LRP1B: variants seen among roughly 807,000 people sequenced by gnomAD.
LRP1B encodes the protein low-density lipoprotein receptor-related protein 1B.
A neutral mutation model predicts 556.6 loss-of-function variants in LRP1B; 217 were observed. That is an observed-to-expected ratio of 0.39 (90% CI 0.35 to 0.44). The LOEUF (loss-of-function observed/expected upper bound fraction) is 0.44, where lower values mean the gene tolerates loss of function less well. Among genes scored for constraint, LRP1B ranks in the 20% least tolerant of loss-of-function variants. The probability of loss-of-function intolerance (pLI) is 1.00; values close to 1 mark genes in which losing one functional copy is unlikely to be tolerated. For missense variants in LRP1B, 5,053 were observed against 5,620.8 expected (o/e 0.90, Z 3.23); for synonymous variants, 2,047 against 1,865.8 (o/e 1.10, Z -2.50).
intron 17 of LRP1B, among the ~76,000 whole-genome samples, chr2:140,986,483 C>A (rs1696930332): frequency 2.6e-5 from 4 of 152,124 alleles, no homozygotes; most frequent in Admixed American, 2.6e-4. Flanking sequence ...TATGACAATT[C>A]CTTCTTCCCA....
At chr2:142,115,491 T>TGTTACA (rs1390915560) in intron 1 of LRP1B, among the ~76,000 whole-genome samples, 1 of 84,768 alleles carries the variant, frequency 1.2e-5, no homozygotes, top group Non-Finnish European at 2.3e-5. Flanking sequence ...TAATATATAA[T>TGTTACA]TATATATAAT....
chr2:140,329,887 A>AC lies in LRP1B; in HGVS notation c.12224-4010_12224-4009insG, dbSNP rs967347136. 2.0e-4 allele frequency among the ~76,000 whole-genome samples: 29 copies of AC among 148,668 alleles called. No individual in the cohort carries two copies. The South Asian group carries it at 2.1e-3, about 11-fold the overall frequency. The stretch of plus-strand genomic sequence containing the variant: ...TTGACATCCTTCACCAAATTAGAAA[A>AC]AAAAACAAAAACAAAAAAACTACTT... On this transcript the variant is annotated intron_variant, in intron 79 of 90. Transcript: ENST00000389484.
intron 7 of LRP1B, among the ~76,000 whole-genome samples, chr2:141,142,191 C>T (rs1701669366): frequency 2.6e-5 from 4 of 152,188 alleles, no homozygotes; most frequent in Admixed American, 2.6e-4. Context: ...AACCTTGACA[C>T]CTTCTCACCA....
intron 7 of LRP1B, among the ~76,000 whole-genome samples, chr2:141,140,903 A>T (rs1036636143): frequency 5.9e-5 from 9 of 152,076 alleles, no homozygotes; most frequent in African/African-American, 1.9e-4. Context: ...TATAAATTTA[A>T]TACAGGATTC....
chr2:142,109,532 A>G (rs1002563887), intron 1 of LRP1B, among the ~76,000 whole-genome samples: 1 of 152,236 alleles, frequency 6.6e-6, no homozygotes, highest in African/African-American at 2.4e-5. Context: ...TACTTCTGAT[A>G]GCAGTTCTGT....
chr2:141,207,795 C>G (rs969967272), intron 6 of LRP1B, among the ~76,000 whole-genome samples: 1 of 152,188 alleles, frequency 6.6e-6, no homozygotes, highest in Non-Finnish European at 1.5e-5. Context: ...CCTGCCTCAG[C>G]CTCCCGAGTA....
intron 3 of LRP1B, among the ~76,000 whole-genome samples, chr2:141,359,039 A>G (rs935820147): frequency 6.6e-6 from 1 of 152,116 alleles, no homozygotes; most frequent in African/African-American, 2.4e-5. Flanking sequence ...AAATGTACAT[A>G]CTATGAAAAA....
chr2:141,332,345 C>A (rs1388978652), intron 3 of LRP1B, among the ~76,000 whole-genome samples: 1 of 151,638 alleles, frequency 6.6e-6, no homozygotes, highest in Non-Finnish European at 1.5e-5. Flanking sequence ...TCTCACTTCT[C>A]TTCTCTTGGC....
At chr2:140,547,968 A>AAG (rs990622985) in intron 43 of LRP1B, among the ~76,000 whole-genome samples, 7 of 152,154 alleles carry the variant, frequency 4.6e-5, no homozygotes, top group Admixed American at 1.3e-4. Flanking sequence ...GGAAAAAAAA[A>AAG]AAAAAGAAAC....
chr2:141,120,658 T>C (rs1187345263), intron 7 of LRP1B, among the ~76,000 whole-genome samples: 1 of 152,086 alleles, frequency 6.6e-6, no homozygotes, highest in Non-Finnish European at 1.5e-5. Context: ...GTAGTTTTAC[T>C]TTTAACTTTA....
At chr2:140,631,854 A>C (rs1683898816) in intron 41 of LRP1B, among the ~76,000 whole-genome samples, 1 of 152,204 alleles carries the variant, frequency 6.6e-6, no homozygotes, top group Non-Finnish European at 1.5e-5. Flanking sequence ...ATCATATTCA[A>C]ACTGTAGGCA....
intron 3 of LRP1B, among the ~76,000 whole-genome samples, chr2:141,336,041 T>TATCATTTA (rs1343303762): frequency 7.1e-6 from 1 of 141,634 alleles, no homozygotes; most frequent in Non-Finnish European, 1.5e-5. Context: ...AGTTCAAATC[T>TATCATTTA]ATCATTTAAA....
intron 7 of LRP1B, among the ~76,000 whole-genome samples, chr2:141,102,554 C>T (rs74827565): frequency 0.061 from 9,322 of 152,018 alleles, 359 homozygotes; most frequent in South Asian, 0.11. Flanking sequence ...TCCCTGTTGT[C>T]CACAACTGGT....
intron 1 of LRP1B, among the ~76,000 whole-genome samples, chr2:141,856,896 T>G (rs1574433200): frequency 6.6e-6 from 1 of 151,354 alleles, no homozygotes; most frequent in East Asian, 1.9e-4. Context: ...GTAAAATAAT[T>G]AGTTTACTAT....
intron 2 of LRP1B, among the ~76,000 whole-genome samples, chr2:141,710,457 C>T (rs1280713036): frequency 3.3e-5 from 5 of 152,116 alleles, no homozygotes; most frequent in African/African-American, 7.2e-5. Flanking sequence ...GTGATTGTCA[C>T]AGTAAATTAC....
At chr2:140,562,581 G>T (rs1037451324) in intron 43 of LRP1B, among the ~76,000 whole-genome samples, 29 of 151,876 alleles carry the variant, frequency 1.9e-4, no homozygotes, top group Non-Finnish European at 4.3e-4. Context: ...AGCCATTTGA[G>T]ATTTTTTTCT....
At chr2:142,052,630 G>A (rs962706784) in intron 1 of LRP1B, among the ~76,000 whole-genome samples, 7 of 152,014 alleles carry the variant, frequency 4.6e-5, no homozygotes, top group Admixed American at 2.6e-4. Context: ...CTGATGTCCA[G>A]GTGCGCTCTC....
In LRP1B at chr2:141,001,588, C is replaced by T. The variant is rs76448949; in HGVS notation, c.2503+3747G>A. On this transcript the variant is annotated intron_variant, in intron 15 of 90. Coordinates refer to ENST00000389484, the MANE Select transcript of LRP1B (RefSeq NM_018557.3). ...CGTGGTGCTTGGTTTTCTGTCCTTG[C>T]GATAGTTAAAGCCTGTCCATCTTTA... Among the ~76,000 whole-genome samples the T allele has an allele frequency of 9.0e-3, 1,370 of 152,084 alleles. 20 individuals carry two copies. The highest frequency in any genetic ancestry group is 0.032 in the African/African-American group (1,321 of 41,520).
rs114360747 is a variant in LRP1B at position 140,878,858 on chromosome 2, T to C, written c.4169+4959A>G. On this transcript the variant is annotated intron_variant, in intron 25 of 90. Transcript: ENST00000389484. ...CCTGTCTCTACTAAAAATAGAAACA[T>C]TGGCTGGGCGTGGTGGCACGCATCT... 4.0e-3 allele frequency among the ~76,000 whole-genome samples: 609 copies of C among 151,972 alleles called. 5 individuals are homozygous for C. Among genetic ancestry groups the C allele is most frequent in the African/African-American group, 0.014 (573 of 41,476 alleles).
Sources: allele counts gnomAD v4.1 joint callset (sites outside exome capture counted in the v4.1 genomes callset), GRCh38; gene constraint gnomAD v4.1.1; transcripts MANE v1.5; gene names NCBI Gene and HGNC (gene_info 2026-07-23, HGNC 2026-07-21).